TOX3: variants seen among roughly 807,000 people sequenced by gnomAD.
TOX3 encodes CAG trinucleotide repeat-containing gene F9 protein.
A neutral mutation model predicts 64.3 loss-of-function variants in TOX3; 22 were observed. The ratio of observed to expected loss-of-function variants is 0.34; its 90% CI spans 0.24 to 0.49. The LOEUF is 0.49. Among genes scored for constraint, TOX3 ranks in the 20% least tolerant of loss-of-function variants. The probability of loss-of-function intolerance (pLI) is 0.99; values close to 1 mark genes in which losing one functional copy is unlikely to be tolerated. For missense variants in TOX3, 661 were observed against 714.4 expected, an observed-to-expected ratio of 0.93 and a Z score of 0.85; for synonymous variants, 291 against 273.6, an observed-to-expected ratio of 1.06 and a Z score of -0.63.
At chr16:52,461,835 T>C (rs950996344) in intron 3 of TOX3, among the ~76,000 whole-genome samples, 1 of 152,092 alleles carries the variant, frequency 6.6e-6, no homozygotes, top group East Asian at 1.9e-4. Flanking sequence ...GCCAACTCAG[T>C]ACCCGCAGAG....
chr16:52,456,641 C>T (rs567884399), intron 3 of TOX3, among the ~76,000 whole-genome samples: 1 of 152,144 alleles, frequency 6.6e-6, no homozygotes, highest in Non-Finnish European at 1.5e-5. Context: ...TCTTAAATTG[C>T]CTGAAACCCA....
chr16:52,487,392 C>A lies in TOX3; in HGVS notation c.88-18818G>T, dbSNP rs551871280. ...GAAGAAAAATAAGCTTCCTCAATAC[C>A]CTTTCACTACTAGGGAGTGTCATAT... is the stretch of plus-strand genomic sequence containing the variant. On this transcript the variant is annotated intron_variant, in intron 1 of 6. Coordinates refer to ENST00000219746, the MANE Select transcript of TOX3 (RefSeq NM_001080430.4). Among the ~76,000 whole-genome samples, 7 of 152,080 alleles carry A rather than the reference C, an allele frequency of 4.6e-5. No individual in the cohort carries two copies. In the South Asian group the frequency reaches 1.2e-3, roughly 27 times the overall value.
At chr16:52,508,353 C>T (rs1224437744) in intron 1 of TOX3, among the ~76,000 whole-genome samples, 3 of 152,150 alleles carry the variant, frequency 2.0e-5, no homozygotes, top group Non-Finnish European at 4.4e-5. Flanking sequence ...TGTGCAACAG[C>T]GTGCATACAC....
intron 1 of TOX3, among the ~76,000 whole-genome samples, chr16:52,527,570 T>C (rs904961973): frequency 2.0e-5 from 3 of 152,168 alleles, no homozygotes; most frequent in Non-Finnish European, 4.4e-5. Context: ...AAGAGGGAGA[T>C]GGAAAAAGAA....
chr16:52,522,669 A>G (rs1033007712), intron 1 of TOX3, among the ~76,000 whole-genome samples: 64 of 152,272 alleles, frequency 4.2e-4, no homozygotes, highest in Admixed American at 5.9e-4. Flanking sequence ...AGTTCCCAAG[A>G]CACTGGTCTT....
intron 6 of TOX3, among the ~76,000 whole-genome samples, chr16:52,440,939 T>G (rs1959962143): frequency 1.3e-5 from 2 of 151,738 alleles, no homozygotes. Context: ...TTTTTTGTAT[T>G]TTTTAGTAGA....
At position 52,446,322 on chromosome 16, in the gene TOX3, C is replaced by T. The variant is rs1239767892; in HGVS notation, c.679-101G>A. 5.7e-6 allele frequency: 7 copies of T among 1,225,094 alleles called. No individual in the cohort carries two copies. In the Admixed American group the frequency reaches 1.5e-4, roughly 27 times the overall value. The allele number at this position is 1,225,094 out of a possible 1,614,324, so 75.9% of individuals were successfully genotyped here. On this transcript the variant is annotated intron_variant, in intron 4 of 6. Coordinates refer to ENST00000219746, the MANE Select transcript of TOX3 (RefSeq NM_001080430.4). ...ATTGTTCTTTGAAGGTTTTGTTAGG[C>T]ATCATCAACAGATGAATCACCACCA...
intron 1 of TOX3, among the ~76,000 whole-genome samples, chr16:52,514,608 G>T (rs1004267871): frequency 6.6e-6 from 1 of 152,194 alleles, no homozygotes; most frequent in Non-Finnish European, 1.5e-5. Context: ...ATTGGAAGAA[G>T]ATCAGTAGGT....
intron 1 of TOX3, among the ~76,000 whole-genome samples, chr16:52,532,052 G>A (rs916676038): frequency 1.3e-5 from 2 of 152,180 alleles, no homozygotes; most frequent in African/African-American, 4.8e-5. Context: ...TCTGGCTTAT[G>A]CTGGATTTGA....
At chr16:52,524,294 G>C (rs1359588223) in intron 1 of TOX3, among the ~76,000 whole-genome samples, 1 of 152,090 alleles carries the variant, frequency 6.6e-6, no homozygotes, top group Admixed American at 6.5e-5. Flanking sequence ...GCCTAAAAGT[G>C]GTCTATTTGA....
chr16:52,445,828 G>A lies in TOX3; in HGVS notation c.906+166C>T, dbSNP rs894447925. On this transcript the variant is annotated intron_variant, in intron 5 of 6. Coordinates refer to ENST00000219746, the MANE Select transcript of TOX3 (RefSeq NM_001080430.4). ...TGACAGAGAAATCAATATAACTGGA[G>A]AGTTGTTTAGATTTATATGTCTGGG... is the stretch of plus-strand genomic sequence containing the variant. 9 of 653,122 alleles carry A rather than the reference G, an allele frequency of 1.4e-5. No homozygotes were observed. In the East Asian group the frequency reaches 1.7e-4, roughly 12 times the overall value. 40.5% of individuals were successfully genotyped at this position (653,122 alleles called of 1,614,324 possible).
intron 3 of TOX3, among the ~76,000 whole-genome samples, 187 bp downstream of exon 3, chr16:52,463,747 T>C (rs1467279016): frequency 6.6e-6 from 1 of 152,190 alleles, no homozygotes; most frequent in African/African-American, 2.4e-5. Context: ...TCTTTTTGGT[T>C]ACTGTCAACC....
chr16:52,519,081 G>C (rs928135927), intron 1 of TOX3, among the ~76,000 whole-genome samples: 1 of 152,194 alleles, frequency 6.6e-6, no homozygotes, highest in Non-Finnish European at 1.5e-5. Flanking sequence ...CTATTGCCAG[G>C]AAGATCAAAG....
At chr16:52,524,413 T>C (rs1339041776) in intron 1 of TOX3, among the ~76,000 whole-genome samples, 3 of 152,210 alleles carry the variant, frequency 2.0e-5, no homozygotes, top group Non-Finnish European at 4.4e-5. Context: ...TGTTTGCAAT[T>C]CTTTCTTCCT....
intron 1 of TOX3, among the ~76,000 whole-genome samples, chr16:52,492,293 C>A (rs777481140): frequency 6.9e-6 from 1 of 145,294 alleles, no homozygotes; most frequent in Non-Finnish European, 1.5e-5. Flanking sequence ...AGGAAAAGAT[C>A]ATCTATAAAT....
At chr16:52,456,684 C>T (rs182158754) in intron 3 of TOX3, among the ~76,000 whole-genome samples, 20 of 152,154 alleles carry the variant, frequency 1.3e-4, no homozygotes, top group Non-Finnish European at 1.9e-4. Flanking sequence ...TTTGAGTGAA[C>T]GGTTAAAATC....
chr16:52,542,121 A>C (rs769090283), intron 1 of TOX3, among the ~76,000 whole-genome samples: 1 of 152,198 alleles, frequency 6.6e-6, no homozygotes, highest in Non-Finnish European at 1.5e-5. Context: ...GGGAGCTCAG[A>C]TCAATAGTGC....
intron 1 of TOX3, among the ~76,000 whole-genome samples, chr16:52,483,751 T>G (rs1345231302): frequency 6.6e-5 from 10 of 151,182 alleles, no homozygotes; most frequent in Non-Finnish European, 1.5e-5. Flanking sequence ...GTATTTTTAT[T>G]AGAGACAGGG....
chr16:52,450,892 A>T (rs1415097144), intron 3 of TOX3, among the ~76,000 whole-genome samples: 1 of 152,184 alleles, frequency 6.6e-6, no homozygotes, highest in African/African-American at 2.4e-5. Context: ...AAAACTAAAT[A>T]TAATCTTTCA....
Sources: allele counts gnomAD v4.1 joint callset (sites outside exome capture counted in the v4.1 genomes callset), GRCh38; gene constraint gnomAD v4.1.1; transcripts MANE v1.5; gene names NCBI Gene and HGNC (gene_info 2026-07-23, HGNC 2026-07-21).